The following CNTNAP3 variants were observed in gnomAD, a reference collection of about 807,000 sequenced individuals.
The protein encoded by CNTNAP3 is contactin-associated protein-like 3.
CNTNAP3 carries 36 observed loss-of-function variants against 92.1 expected under a neutral mutation model. The ratio of observed to expected loss-of-function variants is 0.39; its 90% CI spans 0.30 to 0.52. CNTNAP3 has a LOEUF of 0.52. CNTNAP3 is among the 20% of genes least tolerant of loss of function. The pLI is 0.76. For synonymous variants in CNTNAP3, 232 were observed against 422.3 expected, an observed-to-expected ratio of 0.55 and a Z score of 5.53; for missense variants, 534 against 1,069.6, an observed-to-expected ratio of 0.50 and a Z score of 6.98.
chr9:39,114,105 C>CA lies in CNTNAP3; in HGVS notation c.2237+3997dup, dbSNP rs1182304808. Among the ~76,000 whole-genome samples, 442 of 127,432 alleles carry CA rather than the reference C, an allele frequency of 3.5e-3. 2 individuals are homozygous for CA. The highest frequency in any genetic ancestry group is 0.013 in the African/African-American group (423 of 32,924). 83.6% of individuals were successfully genotyped at this position (127,432 alleles called of 152,430 possible). A position where few individuals can be genotyped will look rare whatever the true frequency, so the allele number is the denominator to read the frequency against. On this transcript the variant is annotated intron_variant, in intron 14 of 23. Transcript: ENST00000297668. ...ACTTTTTTTTTTTTTTTTTTTGAGACAGAGTCTTGGTCTGTCGCCCAGGCT... is the reference window on the plus strand; with the variant it reads ...ACTTTTTTTTTTTTTTTTTTTGAGACAAGAGTCTTGGTCTGTCGCCCAGGCT...
intron 15 of CNTNAP3, among the ~76,000 whole-genome samples, chr9:39,106,886 C>A (rs1826618271): frequency 6.6e-6 from 1 of 152,062 alleles, no homozygotes; most frequent in South Asian, 2.1e-4. Context: ...TGATGCCTGG[C>A]ACAGGACATT....
At chr9:39,125,087 A>G (rs1821125011) in intron 13 of CNTNAP3, among the ~76,000 whole-genome samples, 1 of 152,250 alleles carries the variant, frequency 6.6e-6, no homozygotes, top group African/African-American at 2.4e-5. Flanking sequence ...TATTCACAAT[A>G]GCAAAGACTT....
chr9:39,136,717 A>G (rs966149016), intron 12 of CNTNAP3, among the ~76,000 whole-genome samples: 3 of 152,110 alleles, frequency 2.0e-5, no homozygotes, highest in African/African-American at 7.2e-5. Flanking sequence ...CTTTACCAAC[A>G]TGGAGAAACC....
At chr9:39,112,367 C>CT (rs1003668875) in intron 14 of CNTNAP3, among the ~76,000 whole-genome samples, 70 of 147,550 alleles carry the variant, frequency 4.7e-4, no homozygotes, top group South Asian at 2.6e-3. Flanking sequence ...AACTTTTTAA[C>CT]TTTTTTTTTT....
chr9:39,119,565 T>C (rs908089646), intron 13 of CNTNAP3, among the ~76,000 whole-genome samples: 8 of 152,200 alleles, frequency 5.3e-5, no homozygotes, highest in East Asian at 3.8e-4. Context: ...TATCCTAATG[T>C]ACAAGTGTAA....
At chr9:39,175,477 C>CA (rs4062735) in intron 7 of CNTNAP3, among the ~76,000 whole-genome samples, 350 of 30,788 alleles carry the variant, frequency 0.011, 11 homozygotes, top group African/African-American at 0.04. Context: ...GACTCCGTCT[C>CA]AAAAAAAAAA....
chr9:39,103,677 T>C, intron 16 of CNTNAP3, 67 bp downstream of exon 16: 1 of 1,466,426 alleles, frequency 6.8e-7, no homozygotes, highest in East Asian at 2.3e-5. Flanking sequence ...ACTAACATTT[T>C]GTTGAGTTAA....
At chr9:39,142,000 G>A (rs953533092) in intron 11 of CNTNAP3, among the ~76,000 whole-genome samples, 5 of 152,116 alleles carry the variant, frequency 3.3e-5, no homozygotes, top group African/African-American at 1.2e-4. Flanking sequence ...TAGTCTCACA[G>A]TGAATGACTG....
intron 21 of CNTNAP3, among the ~76,000 whole-genome samples, chr9:39,081,535 G>C (rs1390047026): frequency 3.3e-5 from 5 of 150,822 alleles, no homozygotes; most frequent in Admixed American, 6.6e-5. Context: ...AGGGGCATAT[G>C]TATTTTGGCA....
At position 39,066,943 on chromosome 9, in the gene CNTNAP3, C is replaced by G. The variant is rs1204351612; in HGVS notation, c.*6947G>C. On this transcript the variant is annotated 3_prime_UTR_variant, in exon 24 of 24. Coordinates refer to ENST00000297668, the MANE Select transcript of CNTNAP3 (RefSeq NM_033655.5). ...TATTAATTTTTAAAAATATTTTTTT[C>G]TATCCATCCACTCTCTTTTCTCCTT... 1.3e-5 allele frequency among the ~76,000 whole-genome samples: 2 copies of G among 152,186 alleles called. No individual in the cohort carries two copies. Among genetic ancestry groups the G allele is most frequent in the African/African-American group, 4.8e-5 (2 of 41,410 alleles).
intron 14 of CNTNAP3, among the ~76,000 whole-genome samples, chr9:39,115,789 A>C (rs191671485): frequency 1.3e-5 from 2 of 151,976 alleles, no homozygotes; most frequent in African/African-American, 4.8e-5. Flanking sequence ...ACCTGCACCC[A>C]CCTCAGTTCC....
chr9:39,099,750 A>G (rs1826409598), intron 18 of CNTNAP3, 161 bp downstream of exon 18: 3 of 851,806 alleles, frequency 3.5e-6, no homozygotes, highest in Non-Finnish European at 5.4e-6. Flanking sequence ...AAAAACAGTC[A>G]TATCCCTTCT....
rs753324474 is a variant in CNTNAP3 at position 39,133,060 on chromosome 9, G to C, written c.1952C>G (p.Pro651Arg). ...GTACGCGAAGGACACAGCCGAGCGCGGGTGCCCGCTGGGGGCACCTCGGAG... is the reference window on the plus strand; with the variant it reads ...GTACGCGAAGGACACAGCCGAGCGCCGGTGCCCGCTGGGGGCACCTCGGAG... ...VTLRGAPSGH[P>R]RSAVSFAYAA... Residue 651 changes from proline to arginine, a missense_variant, in exon 13 of 24, where the codon CCG (proline) becomes CGG (arginine). Pro to Arg is a moderately radical substitution (Grantham distance 103). Coordinates refer to ENST00000297668, the MANE Select transcript of CNTNAP3 (RefSeq NM_033655.5). 1.3e-6 allele frequency: 2 copies of C among 1,557,230 alleles called. No homozygotes were observed. The highest frequency in any genetic ancestry group is 1.9e-5 in the Admixed American group (1 of 52,348).
At chr9:39,148,202 CTCAAGG>C (rs1214249976) in intron 10 of CNTNAP3, among the ~76,000 whole-genome samples, 4 of 152,072 alleles carry the variant, frequency 2.6e-5, no homozygotes, top group African/African-American at 2.4e-5. Context: ...GAATTCAAAT[CTCAAGG>C]TCAAGAATGA....
At position 39,122,918 on chromosome 9, in the gene CNTNAP3, T is replaced by C. The variant is rs537189925; in HGVS notation, c.2081-4659A>G. Among the ~76,000 whole-genome samples, 7 of 151,984 alleles carry C rather than the reference T, an allele frequency of 4.6e-5. No homozygotes were observed. In the East Asian group the frequency reaches 7.7e-4, roughly 17 times the overall value. On this transcript the variant is annotated intron_variant, in intron 13 of 23. Transcript: ENST00000297668. ...AAAGAATCAGAAGGAAATACAGAGATTAAAAGTAAAAATTGTAGAGTGTCT... is the reference window on the plus strand; with the variant it reads ...AAAGAATCAGAAGGAAATACAGAGACTAAAAGTAAAAATTGTAGAGTGTCT...
rs1352632642 is a variant in CNTNAP3, at chr9:39,067,698, G to C, written c.*6192C>G. Reference sequence around the variant, plus strand: ...GGCATGAGCCACTGTGCCCGGCCTGGTGTTGGATAGTTTTATGTTACTGGA... The same window carrying C: ...GGCATGAGCCACTGTGCCCGGCCTGCTGTTGGATAGTTTTATGTTACTGGA... On this transcript the variant is annotated 3_prime_UTR_variant, in exon 24 of 24. Transcript: ENST00000297668. Among the ~76,000 whole-genome samples the C allele has an allele frequency of 7.2e-5, 11 of 152,296 alleles. No homozygotes were observed. Among genetic ancestry groups the C allele is most frequent in the Admixed American group, 7.2e-4 (11 of 15,284 alleles).
intron 15 of CNTNAP3, among the ~76,000 whole-genome samples, chr9:39,104,345 G>T (rs1189745624): frequency 6.6e-6 from 1 of 152,066 alleles, no homozygotes; most frequent in Non-Finnish European, 1.5e-5. Context: ...GGTTCGAGCA[G>T]CAGCTCAGTT....
intron 10 of CNTNAP3, among the ~76,000 whole-genome samples, chr9:39,145,419 C>CCTCACCATG (rs1264344410): frequency 7.0e-6 from 1 of 143,662 alleles, no homozygotes; most frequent in African/African-American, 2.5e-5. Flanking sequence ...CCCAAGTGCC[C>CCTCACCATG]CTCACCATGG....
intron 15 of CNTNAP3, among the ~76,000 whole-genome samples, chr9:39,106,905 C>T (rs962270237): frequency 2.0e-5 from 3 of 152,026 alleles, no homozygotes; most frequent in African/African-American, 7.3e-5. Flanking sequence ...TTTAATAATT[C>T]TTGAAGATAA....
Sources: allele counts gnomAD v4.1 joint callset (sites outside exome capture counted in the v4.1 genomes callset), GRCh38; gene constraint gnomAD v4.1.1; transcripts MANE v1.5; gene names NCBI Gene and HGNC (gene_info 2026-07-23, HGNC 2026-07-21).